Variants in NYAP2 observed in about 807,000 individuals in gnomAD.
The protein encoded by NYAP2 is neuronal tyrosine-phosphorylated phosphoinositide-3-kinase adapter 2.
In NYAP2, 23 loss-of-function variants were observed where a neutral mutation model predicts 50.4. The observed-to-expected ratio is 0.46, with a 90% confidence interval of 0.33 to 0.65. The LOEUF (loss-of-function observed/expected upper bound fraction) is 0.65, where lower values mean the gene tolerates loss of function less well. Ranked by LOEUF, NYAP2 falls within the 30% of genes least tolerant of loss-of-function variation. NYAP2 has a pLI of 0.02. For missense variants in NYAP2, 885 were observed against 861.0 expected (o/e 1.03, Z -0.35); for synonymous variants, 394 against 365.2 (o/e 1.08, Z -0.90).
rs948602092 is a variant in NYAP2, at chr2:225,469,324, A to T, written c.222-44047A>T. On this transcript the variant is annotated intron_variant, in intron 3 of 6. Coordinates refer to ENST00000636099, the Ensembl canonical transcript of NYAP2. ...CAAAACCACAATGAGATACCATCTC[A>T]TGCCATTTAGAATGATGATCATTAA... Among the ~76,000 whole-genome samples, 7 of 152,238 alleles carry T rather than the reference A, an allele frequency of 4.6e-5. No individual in the cohort carries two copies. In the East Asian group the frequency reaches 1.3e-3, roughly 29 times the overall value.
chr2:225,539,185 T>A (rs1230537442), intron 4 of NYAP2, among the ~76,000 whole-genome samples: 1 of 152,244 alleles, frequency 6.6e-6, no homozygotes, highest in Non-Finnish European at 1.5e-5. Context: ...ACATCCTTTT[T>A]ATGGCTGCAT....
chr2:225,538,794 C>CTT (rs1248010073), intron 4 of NYAP2, among the ~76,000 whole-genome samples: 4 of 71,888 alleles, frequency 5.6e-5, no homozygotes, highest in African/African-American at 3.2e-4. Context: ...TTCTTTCTTT[C>CTT]TTTCTTTCTT....
chr2:225,424,849 A>G (rs1472782089), intron 3 of NYAP2, among the ~76,000 whole-genome samples: 1 of 152,164 alleles, frequency 6.6e-6, no homozygotes, highest in African/African-American at 2.4e-5. Context: ...TTTTGTTTCC[A>G]TCTTCTCTAG....
chr2:225,443,346 G>A (rs1689500829), intron 3 of NYAP2, among the ~76,000 whole-genome samples: 1 of 152,154 alleles, frequency 6.6e-6, no homozygotes, highest in Non-Finnish European at 1.5e-5. Context: ...CACCTACTAA[G>A]ATACTTAAAC....
chr2:225,462,709 C>T (rs921683361), intron 3 of NYAP2, among the ~76,000 whole-genome samples: 10 of 152,212 alleles, frequency 6.6e-5, no homozygotes, highest in African/African-American at 2.4e-4. Context: ...GAATGTCAGA[C>T]AATAGAAGTA....
chr2:225,547,824 TAGACAGTTGTTACATTTGTTGTTCCCG>T (rs1451676109), intron 4 of NYAP2, among the ~76,000 whole-genome samples: 2 of 152,198 alleles, frequency 1.3e-5, no homozygotes, highest in African/African-American at 4.8e-5. Flanking sequence ...ATTTTGTGTG[TAGACAGTTGTTACATTTGTTGTTCCCG>T]TGGGGTTGGG....
intron 4 of NYAP2, among the ~76,000 whole-genome samples, chr2:225,575,743 A>G (rs1379317132): frequency 6.6e-6 from 1 of 152,216 alleles, no homozygotes; most frequent in Non-Finnish European, 1.5e-5. Context: ...ATGAGAACAT[A>G]TGTAGGTATA....
At chr2:225,489,379 G>A (rs896828198) in intron 3 of NYAP2, among the ~76,000 whole-genome samples, 2 of 151,728 alleles carry the variant, frequency 1.3e-5, no homozygotes, top group Admixed American at 6.6e-5. Flanking sequence ...TGTATTTTTA[G>A]TAGAGATGGG....
At chr2:225,645,209 G>A (rs1202261935) in intron 6 of NYAP2, among the ~76,000 whole-genome samples, 3 of 145,196 alleles carry the variant, frequency 2.1e-5, no homozygotes, top group Non-Finnish European at 3.0e-5. Flanking sequence ...AGTGAGCTGA[G>A]ATCACGTCAC....
intron 3 of NYAP2, among the ~76,000 whole-genome samples, chr2:225,469,585 G>A (rs1413990251): frequency 6.6e-6 from 1 of 152,110 alleles, no homozygotes; most frequent in African/African-American, 2.4e-5. Context: ...CAATAGCAAA[G>A]ATTTGGAACC....
At chr2:225,404,555 A>G (rs1694909481) in intron 2 of NYAP2, among the ~76,000 whole-genome samples, 2 of 152,174 alleles carry the variant, frequency 1.3e-5, no homozygotes, top group Middle Eastern at 3.4e-3. Context: ...AATGCTTAGT[A>G]TTTAACTTAT....
chr2:225,520,185 T>G (rs1424995543), intron 4 of NYAP2, among the ~76,000 whole-genome samples: 1 of 152,232 alleles, frequency 6.6e-6, no homozygotes, highest in African/African-American at 2.4e-5. Flanking sequence ...TTTTGTCAGA[T>G]GAGTAGGTTG....
chr2:225,684,087 A>G, the NYAP2 span, among the ~76,000 whole-genome samples: 1 of 152,210 alleles, frequency 6.6e-6, no homozygotes, highest in African/African-American at 2.4e-5. Context: ...AATGTGACTC[A>G]GACTTGGAGT....
At chr2:225,576,573 T>C (rs1277578095) in intron 4 of NYAP2, among the ~76,000 whole-genome samples, 1 of 152,216 alleles carries the variant, frequency 6.6e-6, no homozygotes, top group Non-Finnish European at 1.5e-5. Flanking sequence ...ATCAGCCAGT[T>C]CCAGTATCAC....
intron 3 of NYAP2, among the ~76,000 whole-genome samples, chr2:225,427,820 T>C (rs1695308270): frequency 6.6e-6 from 1 of 152,198 alleles, no homozygotes. Context: ...AATGAGAATC[T>C]AATAACCTGG....
intron 4 of NYAP2, among the ~76,000 whole-genome samples, chr2:225,532,246 A>G (rs1036308655): frequency 6.6e-6 from 1 of 152,092 alleles, no homozygotes; most frequent in African/African-American, 2.4e-5. Flanking sequence ...CCTACCTTAC[A>G]GTGTGTAAAA....
intron 6 of NYAP2, among the ~76,000 whole-genome samples, chr2:225,650,222 C>A (rs1317025431): frequency 6.6e-6 from 1 of 152,122 alleles, no homozygotes. Flanking sequence ...GGCAGTGAAC[C>A]ATTCATGCAA....
chr2:225,678,235 G>T, the NYAP2 span, among the ~76,000 whole-genome samples: 7 of 152,012 alleles, frequency 4.6e-5, no homozygotes, highest in African/African-American at 1.4e-4. Flanking sequence ...AGGATCTTTT[G>T]TATTTCTGTG....
At chr2:225,491,448 T>A (rs190583496) in intron 3 of NYAP2, among the ~76,000 whole-genome samples, 2 of 152,340 alleles carry the variant, frequency 1.3e-5, no homozygotes, top group African/African-American at 2.4e-5. Context: ...TTAATTTTTT[T>A]AAATTATGGA....
Sources: gnomAD v4.1 joint callset for allele counts (sites outside exome capture counted in the v4.1 genomes callset) on GRCh38, gnomAD v4.1.1 for gene constraint, MANE v1.5 for transcripts, NCBI Gene and HGNC (gene_info 2026-07-23, HGNC 2026-07-21) for gene names.